The following NTRK2 variants were observed in gnomAD, a reference collection of about 807,000 sequenced individuals.
NTRK2 encodes BDNF/NT-3 growth factors receptor.
A neutral mutation model predicts 94.5 loss-of-function variants in NTRK2; 13 were observed. The ratio of observed to expected loss-of-function variants is 0.14; its 90% CI spans 0.09 to 0.22. NTRK2 has a LOEUF of 0.22. Among genes scored for constraint, NTRK2 ranks in the 10% least tolerant of loss-of-function variants. The pLI, the probability that NTRK2 is intolerant of heterozygous loss-of-function variation, is 1.00. For synonymous variants in NTRK2, 372 were observed against 407.4 expected (o/e 0.91, Z 1.05); for missense variants, 639 against 1,071.2 (o/e 0.60, Z 5.63).
chr9:84,956,551 G>T (rs1245954953), intron 17 of NTRK2, among the ~76,000 whole-genome samples: 1 of 152,154 alleles, frequency 6.6e-6, no homozygotes, highest in African/African-American at 2.4e-5. Context: ...TTCAAGGAGA[G>T]AGGAAGGGAA....
At position 84,877,257 on chromosome 9, in the gene NTRK2, C is replaced by G. The variant is rs1444345498; in HGVS notation, c.1633+9826C>G. On this transcript the variant is annotated intron_variant, in intron 14 of 18. Coordinates refer to ENST00000277120, the MANE Select transcript of NTRK2 (RefSeq NM_006180.6). ...TAACATCTCAGTGTCCTCTTTAGTTCTCTTTGAGGATTCATGTCATTGAGG... is the reference window on the plus strand; with the variant it reads ...TAACATCTCAGTGTCCTCTTTAGTTGTCTTTGAGGATTCATGTCATTGAGG... The G allele has an allele frequency of 3.8e-6, 4 of 1,065,830 alleles. No individual in the cohort carries two copies. The East Asian group carries it at 2.0e-4, about 53-fold the overall frequency. The allele number at this position is 1,065,830 out of a possible 1,614,324, so 66.0% of individuals were successfully genotyped here.
At chr9:84,980,292 G>C (rs1827423735) in intron 17 of NTRK2, among the ~76,000 whole-genome samples, 1 of 152,012 alleles carries the variant, frequency 6.6e-6, no homozygotes, top group South Asian at 2.1e-4. Context: ...GATTTTTTCT[G>C]TTTCTTACTA....
At chr9:84,922,483 T>G (rs150650801) in intron 14 of NTRK2, among the ~76,000 whole-genome samples, 107 of 152,336 alleles carry the variant, frequency 7.0e-4, no homozygotes, top group African/African-American at 1.6e-3. Flanking sequence ...TCTGTTAGAC[T>G]CTCCATCTTT....
chr9:84,811,772 G>A (rs2133569365), intron 12 of NTRK2: 2 of 1,065,588 alleles, frequency 1.9e-6, no homozygotes, highest in Non-Finnish European at 2.3e-6. Flanking sequence ...CCTTAGAGCT[G>A]TGGATTTCTG....
intron 12 of NTRK2, among the ~76,000 whole-genome samples, chr9:84,787,877 A>T (rs1460235536): frequency 6.6e-6 from 1 of 152,132 alleles, no homozygotes; most frequent in Non-Finnish European, 1.5e-5. Flanking sequence ...ATGGAGACAG[A>T]CTTCTCGAGT....
chr9:84,708,274 C>G (rs2061231739), intron 5 of NTRK2, among the ~76,000 whole-genome samples: 1 of 152,216 alleles, frequency 6.6e-6, no homozygotes, highest in African/African-American at 2.4e-5. Context: ...CCTGTTGGAT[C>G]CAGGCCCTAA....
intron 14 of NTRK2, among the ~76,000 whole-genome samples, chr9:84,931,419 AGAGAG>A: frequency 9.2e-6 from 1 of 108,338 alleles, no homozygotes; most frequent in Non-Finnish European, 2.0e-5. Flanking sequence ...AAAAAAAAAG[AGAGAG>A]AGAGAGAGAG....
intron 17 of NTRK2, among the ~76,000 whole-genome samples, chr9:84,994,756 T>G (rs965921416): frequency 1.1e-4 from 16 of 152,240 alleles, no homozygotes; most frequent in African/African-American, 3.4e-4. Flanking sequence ...TGTCTCAAAA[T>G]AGTGCTTTAT....
rs201430361 is a variant in NTRK2 at position 84,814,064 on chromosome 9, G to T, written c.1397-46976G>T. The T allele has an allele frequency of 2.8e-6, 3 of 1,064,936 alleles. No homozygotes were observed. In the African/African-American group the frequency reaches 4.9e-5, roughly 17 times the overall value. 66.0% of individuals were successfully genotyped at this position (1,064,936 alleles called of 1,614,324 possible). ...ATCTCAACACACATTAGAGATAATT[G>T]ATTCAGGGGTTTTCTCTCCCAGTCT... On this transcript the variant is annotated intron_variant, in intron 12 of 18. Coordinates refer to ENST00000277120, the MANE Select transcript of NTRK2 (RefSeq NM_006180.6).
At chr9:84,917,059 C>A (rs2077415667) in intron 14 of NTRK2, among the ~76,000 whole-genome samples, 1 of 152,150 alleles carries the variant, frequency 6.6e-6, no homozygotes, top group South Asian at 2.1e-4. Flanking sequence ...CTGTAGCTTT[C>A]CTCTCAATGT....
At chr9:84,731,811 G>C (rs930064889) in intron 9 of NTRK2, among the ~76,000 whole-genome samples, 8 of 152,092 alleles carry the variant, frequency 5.3e-5, no homozygotes, top group Admixed American at 5.2e-4. Flanking sequence ...AGCAAACCAA[G>C]ATCCCCGTGT....
intron 17 of NTRK2, among the ~76,000 whole-genome samples, chr9:84,957,587 A>G (rs1824306711): frequency 1.3e-5 from 2 of 152,220 alleles, no homozygotes; most frequent in Admixed American, 6.5e-5. Flanking sequence ...GATGACTACA[A>G]TAGCAAGTGT....
At chr9:84,819,189 C>T (rs755023779) in intron 12 of NTRK2, among the ~76,000 whole-genome samples, 2 of 152,174 alleles carry the variant, frequency 1.3e-5, no homozygotes, top group African/African-American at 4.8e-5. Context: ...TTATTAACCA[C>T]GCTTCCATCT....
At chr9:84,828,525 A>G (rs2073329138) in intron 12 of NTRK2, among the ~76,000 whole-genome samples, 1 of 152,130 alleles carries the variant, frequency 6.6e-6, no homozygotes, top group African/African-American at 2.4e-5. Flanking sequence ...CCCTACCCCC[A>G]GATGAATTAT....
At chr9:84,725,036 G>A (rs1332252432) in intron 8 of NTRK2, among the ~76,000 whole-genome samples, 1 of 152,138 alleles carries the variant, frequency 6.6e-6, no homozygotes, top group Non-Finnish European at 1.5e-5. Context: ...GCATGAAGGT[G>A]TATATTCAGT....
At chr9:84,669,066 C>T (rs748365781), upstream of NTRK2, among the ~76,000 whole-genome samples, 2 of 152,146 alleles carry the variant, frequency 1.3e-5, no homozygotes, top group Non-Finnish European at 2.9e-5. The surrounding 1 kb of genome is among the most constrained non-coding windows in gnomAD (Gnocchi z 4.1). Context: ...TGGAGACTCC[C>T]TTCCCTCTGC....
chr9:84,928,047 C>T (rs2077885079), intron 14 of NTRK2, among the ~76,000 whole-genome samples: 1 of 152,186 alleles, frequency 6.6e-6, no homozygotes, highest in African/African-American at 2.4e-5. Flanking sequence ...ATGGCTCAGT[C>T]TTGTTACGTG....
intron 12 of NTRK2, among the ~76,000 whole-genome samples, chr9:84,834,578 C>G (rs1160459310): frequency 6.6e-6 from 1 of 152,150 alleles, no homozygotes; most frequent in Non-Finnish European, 1.5e-5. Flanking sequence ...GTTCTAGTCA[C>G]TTTCCATTTC....
intron 4 of NTRK2, among the ~76,000 whole-genome samples, chr9:84,706,521 G>GTTTTTTTTTTTCTTT (rs1173199220): frequency 1.0e-5 from 1 of 95,336 alleles, no homozygotes; most frequent in Admixed American, 1.4e-4. Context: ...GTTATTTTTT[G>GTTTTTTTTTTTCTTT]TTTTTGTTTT....
Sources: allele counts gnomAD v4.1 joint callset (sites outside exome capture counted in the v4.1 genomes callset), GRCh38; gene constraint gnomAD v4.1.1; non-coding constraint Gnocchi (gnomAD v3.1); transcripts MANE v1.5; gene names NCBI Gene and HGNC (gene_info 2026-07-23, HGNC 2026-07-21).